Variants in GFRA2 observed in about 807,000 individuals in gnomAD.
GFRA2 encodes GDNF family receptor alpha-2.
In GFRA2, 17 loss-of-function variants were observed where a neutral mutation model predicts 48.3. The observed-to-expected ratio is 0.35, with a 90% CI of 0.24 to 0.53. The LOEUF is 0.53. GFRA2 is among the 20% of genes least tolerant of loss of function. The probability of loss-of-function intolerance (pLI) is 0.93; values close to 1 mark genes in which losing one functional copy is unlikely to be tolerated. For missense variants in GFRA2, 660 were observed against 637.3 expected (o/e 1.04, Z -0.38); for synonymous variants, 305 against 257.2 (o/e 1.19, Z -1.78).
At chr8:21,761,397 G>C (rs1467473049) in intron 3 of GFRA2, among the ~76,000 whole-genome samples, 2 of 152,230 alleles carry the variant, frequency 1.3e-5, no homozygotes, top group African/African-American at 4.8e-5. Flanking sequence ...TTTGGGTGTG[G>C]AGTCCCAGAA....
intron 4 of GFRA2, among the ~76,000 whole-genome samples, chr8:21,737,196 C>T (rs1804509847): frequency 6.6e-6 from 1 of 152,114 alleles, no homozygotes; most frequent in African/African-American, 2.4e-5. Context: ...GGCGAAACCC[C>T]ATCTCTACTA....
At chr8:21,714,553 A>G (rs1585244926) in intron 4 of GFRA2, among the ~76,000 whole-genome samples, 1 of 152,086 alleles carries the variant, frequency 6.6e-6, no homozygotes, top group Non-Finnish European at 1.5e-5. Context: ...CTCGTTTATC[A>G]GGTGATACCT....
chr8:21,716,402 A>G (rs573843822), intron 4 of GFRA2, among the ~76,000 whole-genome samples: 1 of 152,144 alleles, frequency 6.6e-6, no homozygotes, highest in Non-Finnish European at 1.5e-5. Flanking sequence ...AGCAATCAGA[A>G]GAAGCACACA....
At chr8:21,730,015 A>C (rs1176371657) in intron 4 of GFRA2, among the ~76,000 whole-genome samples, 4 of 151,994 alleles carry the variant, frequency 2.6e-5, no homozygotes, top group African/African-American at 9.7e-5. Flanking sequence ...GAGGAGCTGC[A>C]GGGTGGACCT....
chr8:21,769,178 T>A (rs1276252230), intron 3 of GFRA2: 6 of 984,832 alleles, frequency 6.1e-6, no homozygotes, highest in Middle Eastern at 5.2e-4. Context: ...GTTGACCGTC[T>A]CCGGAACACA....
intron 4 of GFRA2, among the ~76,000 whole-genome samples, chr8:21,728,558 A>C (rs571043554): frequency 1.3e-5 from 2 of 152,212 alleles, no homozygotes; most frequent in East Asian, 1.9e-4. Flanking sequence ...TATATGAATG[A>C]GCCACGGCAC....
At position 21,693,158 on chromosome 8, in the gene GFRA2, G is replaced by T; in HGVS notation, c.*120C>A. 1.1e-6 allele frequency: 1 copy of T among 949,482 alleles called. No individual in the cohort carries two copies. The highest frequency in any genetic ancestry group is 1.4e-6 in the Non-Finnish European group (1 of 693,708). 58.8% of individuals were successfully genotyped at this position (949,482 alleles called of 1,614,324 possible). ...TGGGAGGAGACAGGTTCAGCGACAA[G>T]GTGGGAAAAACAATTTTTTTTTTGC... On this transcript the variant is annotated 3_prime_UTR_variant, in exon 9 of 9. Coordinates refer to ENST00000524240, the MANE Select transcript of GFRA2 (RefSeq NM_001495.5).
intron 3 of GFRA2, among the ~76,000 whole-genome samples, chr8:21,755,080 G>A (rs573333468): frequency 1.4e-4 from 21 of 152,212 alleles, no homozygotes; most frequent in Admixed American, 1.2e-3. Context: ...GGAGGAAGAC[G>A]CAGAGCATGG....
chr8:21,751,015 A>C lies in GFRA2; in HGVS notation c.440-73T>G. 5.0e-6 allele frequency: 5 copies of C among 1,007,936 alleles called. No homozygotes were observed. In the Admixed American group the frequency reaches 8.9e-5, roughly 18 times the overall value. The allele number at this position is 1,007,936 out of a possible 1,614,324, so 62.4% of individuals were successfully genotyped here. On this transcript the variant is annotated intron_variant, in intron 3 of 8. Transcript: ENST00000524240. ...AGGACACAGCTGCCCCCTCACTGGA[A>C]GATGTCTCCCAGTACTCGATATGCT...
chr8:21,695,437 C>A (rs1051300866), intron 7 of GFRA2, among the ~76,000 whole-genome samples: 3 of 152,108 alleles, frequency 2.0e-5, no homozygotes, highest in Non-Finnish European at 4.4e-5. Context: ...TATCAATAAC[C>A]CCTTGGACAT....
intron 4 of GFRA2, among the ~76,000 whole-genome samples, chr8:21,713,058 GAGGGAA>G (rs199909925): frequency 0.069 from 10,466 of 150,874 alleles, 708 homozygotes; most frequent in African/African-American, 0.18. Context: ...AGAGGGAGAC[GAGGGAA>G]AGGGAGAGGG....
intron 3 of GFRA2, among the ~76,000 whole-genome samples, chr8:21,759,375 G>A (rs145094184): frequency 0.01 from 1,564 of 149,528 alleles, 36 homozygotes; most frequent in African/African-American, 0.036. Context: ...GACAGAGTGA[G>A]GCTCTGGCTC....
intron 4 of GFRA2, chr8:21,706,292 C>CA (rs1282253221): frequency 4.8e-6 from 3 of 621,012 alleles, no homozygotes; most frequent in African/African-American, 1.8e-5. Context: ...CATTGGCTGA[C>CA]AAAAAGGACC....
intron 4 of GFRA2, among the ~76,000 whole-genome samples, chr8:21,747,134 C>A (rs1805045041): frequency 6.6e-6 from 1 of 152,198 alleles, no homozygotes; most frequent in Non-Finnish European, 1.5e-5. Context: ...TCTTTTCCAG[C>A]CCCTTCAAGG....
intron 7 of GFRA2, among the ~76,000 whole-genome samples, chr8:21,698,250 C>A (rs1408969954): frequency 6.6e-6 from 1 of 152,172 alleles, no homozygotes; most frequent in Non-Finnish European, 1.5e-5. Flanking sequence ...AAGAGCTGAC[C>A]CCTGAGGGCT....
chr8:21,799,643 G>A (rs1236437586), intron 2 of GFRA2, among the ~76,000 whole-genome samples: 1 of 152,174 alleles, frequency 6.6e-6, no homozygotes, highest in Non-Finnish European at 1.5e-5. Flanking sequence ...ACAATAAACT[G>A]CCTTATTCTT....
At chr8:21,723,760 G>A (rs1803721761) in intron 4 of GFRA2, among the ~76,000 whole-genome samples, 1 of 152,180 alleles carries the variant, frequency 6.6e-6, no homozygotes. Flanking sequence ...TTCTCAACAG[G>A]CTAGAAAGTG....
rs565067441 is a variant in GFRA2, at chr8:21,721,860, G to A, written c.795-15819C>T. ...GGGTTCTGCTCTAAAAAAGCACAGGGCAAATATATTCTCGGAGTCACAGGC... is the reference window on the plus strand; with the variant it reads ...GGGTTCTGCTCTAAAAAAGCACAGGACAAATATATTCTCGGAGTCACAGGC... On this transcript the variant is annotated intron_variant, in intron 4 of 8. Coordinates refer to ENST00000524240, the MANE Select transcript of GFRA2 (RefSeq NM_001495.5). 3.9e-4 allele frequency among the ~76,000 whole-genome samples: 59 copies of A among 152,222 alleles called. No homozygotes were observed. In the South Asian group the frequency reaches 9.8e-3, roughly 25 times the overall value.
chr8:21,718,127 A>T (rs906316577), intron 4 of GFRA2, among the ~76,000 whole-genome samples: 2 of 152,222 alleles, frequency 1.3e-5, no homozygotes, highest in Non-Finnish European at 2.9e-5. Context: ...CTCATCTTGA[A>T]TTCCCATATG....
Sources: allele counts gnomAD v4.1 joint callset (sites outside exome capture counted in the v4.1 genomes callset), GRCh38; gene constraint gnomAD v4.1.1; transcripts MANE v1.5; gene names NCBI Gene and HGNC (gene_info 2026-07-23, HGNC 2026-07-21).